The following TSC22D1 variants were observed in gnomAD, a reference collection of about 807,000 sequenced individuals.
TSC22D1 encodes TSC22 domain family protein 1.
In TSC22D1, 9 loss-of-function variants were observed where a neutral mutation model predicts 74.2. The observed-to-expected ratio is 0.12, with a 90% CI of 0.07 to 0.21. TSC22D1 has a LOEUF of 0.21. TSC22D1 is among the 10% of genes least tolerant of loss of function. The pLI, the probability that TSC22D1 is intolerant of heterozygous loss-of-function variation, is 1.00. For synonymous variants in TSC22D1, 586 were observed against 492.5 expected, an observed-to-expected ratio of 1.19 and a Z score of -2.51; for missense variants, 1,427 against 1,304.7, an observed-to-expected ratio of 1.09 and a Z score of -1.44.
rs1595184225 is a variant in TSC22D1 at position 44,575,005 on chromosome 13, C to T, written c.1070G>A (p.Ser357Asn). Reference sequence around the variant, plus strand: ...ACTCAAGATATTCACATTAACACCACTGGTAACTCCAGGCCCAACACTCAC... The same window carrying T: ...ACTCAAGATATTCACATTAACACCATTGGTAACTCCAGGCCCAACACTCAC... ...AGVSVGPGVT[S>N]GVNVNILSGM... The change falls in exon 1 of 3, where the codon AGT (serine) becomes AAT (asparagine). Residue 357 changes from serine to asparagine, a missense_variant. This residue lies in a region of TSC22D1 where 1,343 missense variants were observed against 1,191.5 expected (regional missense o/e 1.13). Coordinates refer to ENST00000458659, the MANE Select transcript of TSC22D1 (RefSeq NM_183422.4). The T allele has an allele frequency of 1.2e-6, 2 of 1,614,118 alleles. No homozygotes were observed.
chr13:44,507,118 TA>T (rs113577211), intron 1 of TSC22D1, among the ~76,000 whole-genome samples: 38 of 152,272 alleles, frequency 2.5e-4, no homozygotes, highest in African/African-American at 9.1e-4. Context: ...AGGTTGAAGA[TA>T]AAGATTTGGA....
chr13:44,435,254 G>A (rs1174429032), intron 2 of TSC22D1: 1 of 179,336 alleles, frequency 5.6e-6, no homozygotes, highest in Non-Finnish European at 1.1e-5. Flanking sequence ...GCGCTCGCCC[G>A]GAGCCGCCTC....
At chr13:44,467,170 C>CA (rs1382710410) in intron 1 of TSC22D1, among the ~76,000 whole-genome samples, 27 of 147,860 alleles carry the variant, frequency 1.8e-4, no homozygotes, top group Middle Eastern at 6.9e-3. Context: ...TCAAAATAAA[C>CA]AAAAAAACAA....
intron 1 of TSC22D1, among the ~76,000 whole-genome samples, chr13:44,563,565 T>C (rs1411597731): frequency 6.6e-6 from 1 of 152,206 alleles, no homozygotes; most frequent in East Asian, 1.9e-4. Flanking sequence ...TATCACTTAA[T>C]CCAACTGTTG....
chr13:44,573,401 G>C lies in TSC22D1; in HGVS notation c.2674C>G (p.Leu892Val), dbSNP rs1419386811. ...TGTGCGGAGAACTGGGTAGAACTTA[G>C]TGGTATCTGTTGTGCCAAAGGCAAA... is the stretch of plus-strand genomic sequence containing the variant. ...TNLPLAQQIP[L>V]SSTQFSAQSL... Residue 892 changes from leucine to valine, a missense_variant, in exon 1 of 3, where the codon CTA becomes GTA. By Grantham distance (32) the Leu-to-Val change is conservative (BLOSUM62 1). Coordinates refer to ENST00000458659, the MANE Select transcript of TSC22D1 (RefSeq NM_183422.4). 2 of 1,614,166 alleles carry C rather than the reference G, an allele frequency of 1.2e-6. No homozygotes were observed. The highest frequency in any genetic ancestry group is 1.7e-6 in the Non-Finnish European group (2 of 1,180,058).
At chr13:44,557,821 G>A (rs1323292996) in intron 1 of TSC22D1, among the ~76,000 whole-genome samples, 1 of 152,164 alleles carries the variant, frequency 6.6e-6, no homozygotes, top group African/African-American at 2.4e-5. Flanking sequence ...TAGAAGGCCA[G>A]TAATCTAATA....
chr13:44,530,225 T>G (rs1042176923), intron 1 of TSC22D1, among the ~76,000 whole-genome samples: 1 of 152,100 alleles, frequency 6.6e-6, no homozygotes, highest in Admixed American at 6.6e-5. Flanking sequence ...TGGAATGGAA[T>G]AAAGAGCCCA....
rs561657827 is a variant in TSC22D1, at chr13:44,487,569, T to C, written c.2913-51474A>G. 2.8e-5 allele frequency among the ~76,000 whole-genome samples: 3 copies of C among 105,890 alleles called. No individual in the cohort carries two copies. The East Asian group carries it at 7.6e-4, about 27-fold the overall frequency. 69.5% of individuals were successfully genotyped at this position (105,890 alleles called of 152,430 possible). On this transcript the variant is annotated intron_variant, in intron 1 of 2. Coordinates refer to ENST00000458659, the MANE Select transcript of TSC22D1 (RefSeq NM_183422.4). ...TACCAGCCATTCCTTTTATGAACAA[T>C]GTAAAAATTCTTAAAAACAAAATTA...
At chr13:44,440,587 CAAAAAAAAA>C (rs67344848) in intron 1 of TSC22D1, among the ~76,000 whole-genome samples, 1 of 68,266 alleles carries the variant, frequency 1.5e-5, no homozygotes, top group Non-Finnish European at 2.7e-5. Context: ...GGCTCTGTCT[CAAAAAAAAA>C]AAAAAAAAAA....
chr13:44,553,905 A>G (rs1219582545), intron 1 of TSC22D1, among the ~76,000 whole-genome samples: 1 of 152,180 alleles, frequency 6.6e-6, no homozygotes, highest in Non-Finnish European at 1.5e-5. Flanking sequence ...TCTTAGAACT[A>G]AGAGAGTAGG....
At chr13:44,485,840 A>G (rs1878405537) in intron 1 of TSC22D1, among the ~76,000 whole-genome samples, 1 of 152,128 alleles carries the variant, frequency 6.6e-6, no homozygotes. Context: ...ATTATGGATA[A>G]GAGTATCAAA....
chr13:44,434,577 C>T lies in TSC22D1; in HGVS notation c.*49G>A. On this transcript the variant is annotated 3_prime_UTR_variant, in exon 3 of 3. Coordinates refer to ENST00000458659, the MANE Select transcript of TSC22D1 (RefSeq NM_183422.4). ...CAGATTCTCCCTAGCACATCTTCTCCGTCTGTTCAGTTCACACGCAGCAGC... is the reference window on the plus strand; with the variant it reads ...CAGATTCTCCCTAGCACATCTTCTCTGTCTGTTCAGTTCACACGCAGCAGC... The T allele has an allele frequency of 1.3e-6, 2 of 1,499,820 alleles. No homozygotes were observed. Among genetic ancestry groups the T allele is most frequent in the Non-Finnish European group, 8.9e-7 (1 of 1,127,136 alleles). The allele number at this position is 1,499,820 out of a possible 1,614,324, so 92.9% of individuals were successfully genotyped here. A position where few individuals can be genotyped will look rare whatever the true frequency, so the allele number is the denominator to read the frequency against.
At chr13:44,532,938 A>C (rs1880932821) in intron 1 of TSC22D1, among the ~76,000 whole-genome samples, 1 of 152,140 alleles carries the variant, frequency 6.6e-6, no homozygotes, top group South Asian at 2.1e-4. Flanking sequence ...CTGTCGTCTC[A>C]AACTAGGATC....
chr13:44,517,196 A>G (rs1229163449), intron 1 of TSC22D1, among the ~76,000 whole-genome samples: 1 of 152,112 alleles, frequency 6.6e-6, no homozygotes, highest in Non-Finnish European at 1.5e-5. Context: ...TATTTTTCAA[A>G]CCTCTCTATT....
intron 1 of TSC22D1, among the ~76,000 whole-genome samples, chr13:44,491,910 C>G (rs945145386): frequency 6.6e-6 from 1 of 152,100 alleles, no homozygotes; most frequent in African/African-American, 2.4e-5. Context: ...GTATATCTTC[C>G]GTGATTCAGT....
chr13:44,466,446 CAG>C (rs756252651), intron 1 of TSC22D1, among the ~76,000 whole-genome samples: 1 of 152,290 alleles, frequency 6.6e-6, no homozygotes, highest in Non-Finnish European at 1.5e-5. Context: ...ACTTGGTAAT[CAG>C]AGTCACAGGA....
intron 1 of TSC22D1, among the ~76,000 whole-genome samples, chr13:44,566,674 A>C (rs1014051419): frequency 6.6e-6 from 1 of 152,172 alleles, no homozygotes. Flanking sequence ...CTAAAACCCC[A>C]CTAAAATGAC....
chr13:44,575,019 C>A lies in TSC22D1; in HGVS notation c.1056G>T (p.Gly352=). 1 of 1,614,078 alleles carries A rather than the reference C, an allele frequency of 6.2e-7. No individual in the cohort carries two copies. The highest frequency in any genetic ancestry group is 1.7e-5 in the Admixed American group (1 of 60,014). The change falls in exon 1 of 3, where the codon GGG becomes GGT. Residue 352 remains glycine, a synonymous_variant. Coordinates refer to ENST00000458659, the MANE Select transcript of TSC22D1 (RefSeq NM_183422.4). The part of the protein sequence containing the change: ...NIPSAAGVSV[G]PGVTSGVNVN... The stretch of plus-strand genomic sequence containing the variant: ...CATTAACACCACTGGTAACTCCAGG[C>A]CCAACACTCACACCAGCAGCACTAG...
chr13:44,517,525 TG>T (rs1390895521), intron 1 of TSC22D1, among the ~76,000 whole-genome samples: 1 of 151,776 alleles, frequency 6.6e-6, no homozygotes, highest in Non-Finnish European at 1.5e-5. Context: ...TACTATCCAT[TG>T]ATCAATCAAA....
Sources: gnomAD v4.1 joint callset for allele counts (sites outside exome capture counted in the v4.1 genomes callset) on GRCh38, gnomAD v4.1.1 for gene constraint, gnomAD v4.1.1 regional missense constraint, MANE v1.5 for transcripts, NCBI Gene and HGNC (gene_info 2026-07-23, HGNC 2026-07-21) for gene names.